The following PDE1C variants were observed in gnomAD, a reference collection of about 807,000 sequenced individuals.
PDE1C encodes dual specificity calcium/calmodulin-dependent 3',5'-cyclic nucleotide phosphodiesterase 1C.
A neutral mutation model predicts 93.1 loss-of-function variants in PDE1C; 62 were observed. That is an observed-to-expected ratio of 0.67 (90% confidence interval 0.54 to 0.82). The LOEUF (loss-of-function observed/expected upper bound fraction) is 0.82, where lower values mean the gene tolerates loss of function less well. Ranked by LOEUF, PDE1C falls within the 40% of genes least tolerant of loss-of-function variation. The pLI is 0.00. For synonymous variants in PDE1C, 325 were observed against 310.1 expected, an observed-to-expected ratio of 1.05 and a Z score of -0.50; for missense variants, 742 against 884.6, an observed-to-expected ratio of 0.84 and a Z score of 2.04.
At chr7:31,998,974 A>T (rs1203722947) in intron 2 of PDE1C, among the ~76,000 whole-genome samples, 1 of 152,218 alleles carries the variant, frequency 6.6e-6, no homozygotes, top group Non-Finnish European at 1.5e-5. Context: ...ACCTCAGATC[A>T]TTTGCAAGTA....
the PDE1C span, among the ~76,000 whole-genome samples, chr7:31,717,888 C>T: frequency 5.7e-4 from 87 of 152,130 alleles, no homozygotes; most frequent in East Asian, 9.1e-3. Flanking sequence ...CTGAAATGGA[C>T]GTCAGAGTCT....
At chr7:31,992,317 G>A (rs769799104) in intron 2 of PDE1C, among the ~76,000 whole-genome samples, 20 of 152,354 alleles carry the variant, frequency 1.3e-4, no homozygotes, top group Non-Finnish European at 2.5e-4. Flanking sequence ...TCCTAAAGAG[G>A]ATACCAGCCA....
the PDE1C span, among the ~76,000 whole-genome samples, chr7:31,637,454 T>C: frequency 4.6e-5 from 7 of 152,180 alleles, no homozygotes; most frequent in African/African-American, 1.7e-4. Flanking sequence ...TGGTATCTCA[T>C]TGTGGTTTTG....
intron 5 of PDE1C, among the ~76,000 whole-genome samples, chr7:31,877,675 G>A (rs572961517): frequency 1.2e-4 from 17 of 147,770 alleles, no homozygotes; most frequent in Admixed American, 6.9e-5. Flanking sequence ...ATTTGATCTC[G>A]TATGGCAAAA....
intron 1 of PDE1C, among the ~76,000 whole-genome samples, chr7:32,061,539 TC>T (rs1428139208): frequency 6.6e-6 from 1 of 152,238 alleles, no homozygotes; most frequent in Non-Finnish European, 1.5e-5. Flanking sequence ...CAGCCAAGCT[TC>T]ACTTGGCCCT....
At chr7:32,304,351 G>C (rs976553817) in intron 1 of PDE1C, among the ~76,000 whole-genome samples, 1 of 152,186 alleles carries the variant, frequency 6.6e-6, no homozygotes, top group Non-Finnish European at 1.5e-5. Flanking sequence ...CACAGAGTAA[G>C]CCTTCGCTAA....
At chr7:32,034,735 A>C (rs1197377440) in intron 2 of PDE1C, among the ~76,000 whole-genome samples, 1 of 152,196 alleles carries the variant, frequency 6.6e-6, no homozygotes, top group Non-Finnish European at 1.5e-5. Context: ...GCAAGGTAGC[A>C]TAAGAGTTAA....
At chr7:31,667,349 C>T in the PDE1C span, among the ~76,000 whole-genome samples, 1 of 152,156 alleles carries the variant, frequency 6.6e-6, no homozygotes, top group African/African-American at 2.4e-5. Context: ...AAGGTAGAGT[C>T]ATTATCCTGT....
At chr7:31,912,473 C>A (rs752191351) in intron 2 of PDE1C, among the ~76,000 whole-genome samples, 1 of 152,006 alleles carries the variant, frequency 6.6e-6, no homozygotes, top group African/African-American at 2.4e-5. Context: ...AATCCTTGAG[C>A]CCAGGTGTTT....
intron 1 of PDE1C, among the ~76,000 whole-genome samples, chr7:32,255,997 G>C (rs1023765625): frequency 3.9e-5 from 6 of 152,212 alleles, no homozygotes; most frequent in African/African-American, 1.4e-4. Context: ...AGGGGGAGCA[G>C]AGTATGAAGC....
At chr7:31,791,647 A>G (rs538488344) in intron 16 of PDE1C, among the ~76,000 whole-genome samples, 49 of 152,226 alleles carry the variant, frequency 3.2e-4, no homozygotes, top group South Asian at 2.9e-3. Flanking sequence ...TTAGGATGAC[A>G]GAAGGTTGGG....
At chr7:32,019,987 A>G (rs982203253) in intron 2 of PDE1C, among the ~76,000 whole-genome samples, 3 of 152,106 alleles carry the variant, frequency 2.0e-5, no homozygotes, top group African/African-American at 7.2e-5. Context: ...GAGTCTGCAG[A>G]GATGAGATGA....
chr7:32,132,036 T>C (rs891139878), intron 3 of PDE1C, among the ~76,000 whole-genome samples: 2 of 152,244 alleles, frequency 1.3e-5, no homozygotes, highest in Non-Finnish European at 2.9e-5. Context: ...CTTGTTTGAA[T>C]GGTTAAGGAA....
At chr7:32,073,617 A>G (rs1460307492), upstream of PDE1C, among the ~76,000 whole-genome samples, 1 of 152,182 alleles carries the variant, frequency 6.6e-6, no homozygotes, top group Non-Finnish European at 1.5e-5. Context: ...ACCACAAAAC[A>G]ACTAAGGATT....
intron 1 of PDE1C, among the ~76,000 whole-genome samples, chr7:32,419,454 C>T (rs1335006962): frequency 6.6e-6 from 1 of 152,204 alleles, no homozygotes; most frequent in African/African-American, 2.4e-5. Flanking sequence ...CTTCAGCTCC[C>T]TCAGGAGAGT....
At chr7:31,835,682 C>T (rs1234242010) in intron 11 of PDE1C, among the ~76,000 whole-genome samples, 1 of 151,910 alleles carries the variant, frequency 6.6e-6, no homozygotes, top group East Asian at 1.9e-4. Context: ...CAACATAAAT[C>T]ACAGATAAGA....
At chr7:32,201,210 G>A (rs550967772) in intron 2 of PDE1C, among the ~76,000 whole-genome samples, 1 of 152,310 alleles carries the variant, frequency 6.6e-6, no homozygotes, top group South Asian at 2.1e-4. Context: ...ATTTCTATGT[G>A]CTTGTAAAAA....
At position 32,420,315 on chromosome 7, in the gene PDE1C, G is replaced by A. The variant is rs553250126; in HGVS notation, c.310+7507C>T. 4.4e-4 allele frequency among the ~76,000 whole-genome samples: 4 copies of A among 9,034 alleles called. 2 individuals are homozygous for A. The highest frequency in any genetic ancestry group is 1.5e-3 in the African/African-American group (4 of 2,682). The allele number at this position is 9,034 out of a possible 152,430, so 5.9% of individuals were successfully genotyped here. A position where few individuals can be genotyped will look rare whatever the true frequency, so the allele number is the denominator to read the frequency against. On this transcript the variant is annotated intron_variant, in intron 1 of 1. Coordinates refer to the PDE1C transcript ENST00000672256. ...TATATATGTGTATATATATACATGT[G>A]TATATATATGTGTATATATATATGT...
chr7:31,920,221 T>C (rs1036291270), intron 2 of PDE1C, among the ~76,000 whole-genome samples: 3 of 152,172 alleles, frequency 2.0e-5, no homozygotes, highest in African/African-American at 7.2e-5. Context: ...TCCTGTTTGC[T>C]ACCAGTATAC....
Sources: allele counts gnomAD v4.1 joint callset (sites outside exome capture counted in the v4.1 genomes callset), GRCh38; gene constraint gnomAD v4.1.1; transcripts MANE v1.5; gene names NCBI Gene and HGNC (gene_info 2026-07-23, HGNC 2026-07-21).